SHB: variants seen among roughly 807,000 people sequenced by gnomAD.
SHB encodes SH2 domain containing adaptor protein B.
In SHB, 20 loss-of-function variants were observed where a neutral mutation model predicts 52.3. That is an observed-to-expected ratio of 0.38 (90% CI 0.27 to 0.56). The LOEUF (loss-of-function observed/expected upper bound fraction) is 0.56. SHB is among the 20% of genes least tolerant of loss of function. The pLI is 0.71. For missense variants in SHB, 825 were observed against 723.3 expected, an observed-to-expected ratio of 1.14 and a Z score of -1.61; for synonymous variants, 397 against 316.5, an observed-to-expected ratio of 1.25 and a Z score of -2.70.
At chr9:37,995,147 G>A (rs958898565) in intron 2 of SHB, among the ~76,000 whole-genome samples, 2 of 152,138 alleles carry the variant, frequency 1.3e-5, no homozygotes, top group East Asian at 1.9e-4. Flanking sequence ...GGAAGGGCAG[G>A]CGGGCGGCAG....
chr9:37,971,483 G>A (rs901595794), intron 3 of SHB, among the ~76,000 whole-genome samples: 6 of 152,154 alleles, frequency 3.9e-5, no homozygotes, highest in African/African-American at 1.4e-4. Context: ...ACAGACATGG[G>A]AAGAGAAGGC....
chr9:37,980,170 A>G (rs992392875), intron 2 of SHB, among the ~76,000 whole-genome samples: 9 of 152,198 alleles, frequency 5.9e-5, no homozygotes, highest in African/African-American at 1.7e-4. Context: ...TCTTCCTTTC[A>G]CGAAAGATTT....
chr9:37,925,635 C>G (rs1832239884), intron 5 of SHB, among the ~76,000 whole-genome samples: 1 of 152,186 alleles, frequency 6.6e-6, no homozygotes. Context: ...GGCCCTGCCC[C>G]TCCCTACTCA....
chr9:37,996,348 T>C (rs1203697649), intron 2 of SHB, among the ~76,000 whole-genome samples: 3 of 152,234 alleles, frequency 2.0e-5, no homozygotes, highest in Non-Finnish European at 4.4e-5. Flanking sequence ...GGTTGAAGCC[T>C]GCTCAACAGG....
chr9:38,014,761 G>C (rs1470538090), intron 2 of SHB, among the ~76,000 whole-genome samples: 1 of 152,084 alleles, frequency 6.6e-6, no homozygotes, highest in Non-Finnish European at 1.5e-5. Context: ...TGAACAGGAG[G>C]AGCAGGAGGC....
chr9:37,920,346 TTTTC>T (rs1416829044), intron 5 of SHB, among the ~76,000 whole-genome samples: 2 of 151,550 alleles, frequency 1.3e-5, no homozygotes, highest in African/African-American at 4.9e-5. Context: ...TTAGTCCCTC[TTTTC>T]TATTACCAGT....
chr9:37,995,935 A>C (rs555666530), intron 2 of SHB, among the ~76,000 whole-genome samples: 1 of 152,346 alleles, frequency 6.6e-6, no homozygotes, highest in African/African-American at 2.4e-5. Context: ...GCTTACACCC[A>C]ACAATTCTAT....
At chr9:37,954,128 C>CA (rs1485985800) in intron 4 of SHB, among the ~76,000 whole-genome samples, 3 of 152,212 alleles carry the variant, frequency 2.0e-5, no homozygotes, top group Admixed American at 2.0e-4. Flanking sequence ...ACAGTTTGAT[C>CA]AGAAATAAGC....
At chr9:38,044,028 G>A (rs187796149) in intron 1 of SHB, among the ~76,000 whole-genome samples, 15 of 152,352 alleles carry the variant, frequency 9.8e-5, no homozygotes, top group East Asian at 3.9e-4. Context: ...CTGGAGAAGC[G>A]GGCATGCCCT....
At chr9:37,947,755 C>T (rs1171556607) in intron 5 of SHB, among the ~76,000 whole-genome samples, 19 of 152,168 alleles carry the variant, frequency 1.2e-4, no homozygotes, top group Admixed American at 7.9e-4. Flanking sequence ...CCCTGCAGGC[C>T]GGCTCTCCCT....
At chr9:38,015,118 C>T (rs942816151) in intron 2 of SHB, among the ~76,000 whole-genome samples, 1 of 152,256 alleles carries the variant, frequency 6.6e-6, no homozygotes, top group Non-Finnish European at 1.5e-5. Flanking sequence ...CTGCACCCTG[C>T]AGCACAATGT....
chr9:38,039,684 G>C (rs1179032737), intron 1 of SHB, among the ~76,000 whole-genome samples: 2 of 152,234 alleles, frequency 1.3e-5, no homozygotes, highest in African/African-American at 4.8e-5. Flanking sequence ...CGTAGCAAAG[G>C]GGTCATCCGG....
chr9:37,994,098 T>G (rs984120230), intron 2 of SHB, among the ~76,000 whole-genome samples: 3 of 152,212 alleles, frequency 2.0e-5, no homozygotes, highest in African/African-American at 4.8e-5. Flanking sequence ...TTCATTTACT[T>G]ACAGAATCAC....
At chr9:37,997,167 T>A (rs1787807631) in intron 2 of SHB, among the ~76,000 whole-genome samples, 1 of 152,278 alleles carries the variant, frequency 6.6e-6, no homozygotes, top group East Asian at 1.9e-4. Flanking sequence ...CAGCCACGTC[T>A]CCCCTCTGTA....
chr9:38,035,061 G>C (rs186974937), intron 1 of SHB, among the ~76,000 whole-genome samples: 3 of 152,008 alleles, frequency 2.0e-5, no homozygotes, highest in Non-Finnish European at 4.4e-5. Flanking sequence ...TCTCCCCCAC[G>C]TCTCATGGGC....
intron 1 of SHB, among the ~76,000 whole-genome samples, chr9:38,037,092 C>T (rs1290420457): frequency 6.6e-6 from 1 of 152,192 alleles, no homozygotes; most frequent in African/African-American, 2.4e-5. Context: ...CTGTGTACTG[C>T]CCTGTAGACA....
In SHB at chr9:38,068,127, C is replaced by T; in HGVS notation, c.519G>A (p.Pro173=). 1 of 1,452,148 alleles carries T rather than the reference C, an allele frequency of 6.9e-7. No individual in the cohort carries two copies. The allele number at this position is 1,452,148 out of a possible 1,614,324, so 90.0% of individuals were successfully genotyped here. ...RSSSERRPAT[P]AEVRYISPKH... ...TGGGGGAGATGTAGCGCACCTCGGCCGGCGTGGCGGGCCGCCGCTCGCTGC... is the reference window on the plus strand; with the variant it reads ...TGGGGGAGATGTAGCGCACCTCGGCTGGCGTGGCGGGCCGCCGCTCGCTGC... The change falls in exon 1 of 6, where the codon CCG becomes CCA. Residue 173 remains proline, a synonymous_variant. Coordinates refer to ENST00000377707, the MANE Select transcript of SHB (RefSeq NM_003028.3).
intron 2 of SHB, among the ~76,000 whole-genome samples, chr9:37,975,606 GA>G (rs1820644549): frequency 6.6e-6 from 1 of 152,228 alleles, no homozygotes; most frequent in African/African-American, 2.4e-5. Flanking sequence ...TCAGTCCTGG[GA>G]GGCCAGTAGT....
At chr9:38,029,413 C>G (rs1821385535) in intron 1 of SHB, among the ~76,000 whole-genome samples, 1 of 152,172 alleles carries the variant, frequency 6.6e-6, no homozygotes, top group Non-Finnish European at 1.5e-5. Flanking sequence ...CTTGATCTCT[C>G]TGTGCTTCCA....
Sources: gnomAD v4.1 joint callset for allele counts (sites outside exome capture counted in the v4.1 genomes callset) on GRCh38, gnomAD v4.1.1 for gene constraint, MANE v1.5 for transcripts, NCBI Gene and HGNC (gene_info 2026-07-23, HGNC 2026-07-21) for gene names.